The following PKIG variants were observed in gnomAD, a reference collection of about 807,000 sequenced individuals.
The protein encoded by PKIG is protein kinase (cAMP-dependent, catalytic) inhibitor gamma.
PKIG carries 1 observed loss-of-function variant against 6.8 expected under a neutral mutation model. That is an observed-to-expected ratio of 0.15 (90% CI 0.05 to 0.69). The LOEUF (loss-of-function observed/expected upper bound fraction) is 0.69. Among genes scored for constraint, PKIG ranks in the 30% least tolerant of loss-of-function variants. The pLI is 0.82. For synonymous variants in PKIG, 39 were observed against 43.0 expected (o/e 0.91, Z 0.36); for missense variants, 77 against 104.0 (o/e 0.74, Z 1.13).
chr20:44,596,816 A>C (rs374572972), intron 2 of PKIG, among the ~76,000 whole-genome samples: 41 of 152,180 alleles, frequency 2.7e-4, no homozygotes, highest in Non-Finnish European at 5.1e-4. Flanking sequence ...GAAGCCTCTG[A>C]ATATTGTCTT....
chr20:44,565,879 C>G (rs943538167), intron 1 of PKIG, among the ~76,000 whole-genome samples: 3 of 152,230 alleles, frequency 2.0e-5, no homozygotes, highest in African/African-American at 7.2e-5. Context: ...TCTCCCTCCT[C>G]AGCCTCTCGC....
chr20:44,610,549 A>C (rs1200680443), intron 2 of PKIG, among the ~76,000 whole-genome samples: 2 of 139,998 alleles, frequency 1.4e-5, no homozygotes, highest in Non-Finnish European at 3.1e-5. Flanking sequence ...TTACTGGCTC[A>C]ACCCCACCCT....
At chr20:44,585,609 T>C (rs1214132533) in intron 1 of PKIG, among the ~76,000 whole-genome samples, 2 of 152,264 alleles carry the variant, frequency 1.3e-5, no homozygotes, top group African/African-American at 4.8e-5. Context: ...CCTTGAATAT[T>C]TCACCATACT....
intron 2 of PKIG, among the ~76,000 whole-genome samples, chr20:44,592,869 A>G (rs934602283): frequency 6.6e-6 from 1 of 152,246 alleles, no homozygotes; most frequent in Non-Finnish European, 1.5e-5. Context: ...CAAAATGTCC[A>G]TACTACCCAA....
At chr20:44,586,893 G>A (rs530701038) in intron 1 of PKIG, among the ~76,000 whole-genome samples, 1 of 152,334 alleles carries the variant, frequency 6.6e-6, no homozygotes, top group Non-Finnish European at 1.5e-5. Flanking sequence ...CTTACTGGAG[G>A]AAGCTGCATT....
At chr20:44,565,382 A>G (rs758329084) in intron 1 of PKIG, among the ~76,000 whole-genome samples, 12 of 152,242 alleles carry the variant, frequency 7.9e-5, no homozygotes, top group Non-Finnish European at 1.6e-4. Flanking sequence ...GCAAACAACA[A>G]AATTCACTGT....
rs565901645 is a variant in PKIG, at chr20:44,600,118, A to T, written c.-24+10252A>T. ...GGGTTACAGAGAATGTTGTACACAG[A>T]GGAAATAGTCTAGTAAAGGCTTTGA... On this transcript the variant is annotated intron_variant, in intron 2 of 3. Coordinates refer to ENST00000372886, the MANE Select transcript of PKIG (RefSeq NM_001281445.2). 3.9e-5 allele frequency among the ~76,000 whole-genome samples: 6 copies of T among 152,234 alleles called. No individual in the cohort carries two copies. The South Asian group carries it at 1.0e-3, about 26-fold the overall frequency.
intron 1 of PKIG, among the ~76,000 whole-genome samples, chr20:44,574,218 TC>T (rs1269240749): frequency 3.3e-5 from 5 of 152,196 alleles, no homozygotes; most frequent in African/African-American, 1.2e-4. Flanking sequence ...AACCATCTGT[TC>T]CCTGCCCCCA....
At chr20:44,565,887 C>T (rs1471949949) in intron 1 of PKIG, among the ~76,000 whole-genome samples, 3 of 152,172 alleles carry the variant, frequency 2.0e-5, no homozygotes, top group Admixed American at 6.5e-5. Context: ...CTCAGCCTCT[C>T]GCGTAGCTGG....
intron 3 of PKIG, among the ~76,000 whole-genome samples, chr20:44,617,325 A>C (rs1169140454): frequency 6.6e-6 from 1 of 152,108 alleles, no homozygotes; most frequent in South Asian, 2.1e-4. Flanking sequence ...TTAAGAATGT[A>C]CCACCTATTG....
At chr20:44,571,330 A>G (rs1351627803) in intron 1 of PKIG, among the ~76,000 whole-genome samples, 1 of 152,068 alleles carries the variant, frequency 6.6e-6, no homozygotes, top group Non-Finnish European at 1.5e-5. Flanking sequence ...CCATTACCAG[A>G]ACTTTTTTCC....
At chr20:44,613,319 C>G (rs894636480) in intron 2 of PKIG, among the ~76,000 whole-genome samples, 1 of 152,118 alleles carries the variant, frequency 6.6e-6, no homozygotes, top group African/African-American at 2.4e-5. Context: ...GCGCCCGCCA[C>G]CACGCCCGGC....
intron 1 of PKIG, among the ~76,000 whole-genome samples, chr20:44,533,887 A>C (rs1437735425): frequency 6.6e-6 from 1 of 152,246 alleles, no homozygotes; most frequent in African/African-American, 2.4e-5. Context: ...CAAGTTAAAA[A>C]TTAAAATGTG....
chr20:44,555,829 ATTTAT>A (rs551594871), intron 1 of PKIG, among the ~76,000 whole-genome samples: 2 of 151,932 alleles, frequency 1.3e-5, no homozygotes, highest in African/African-American at 2.4e-5. Context: ...GACCTACTTT[ATTTAT>A]TTTATTTTAT....
At chr20:44,565,492 A>G (rs1274435163) in intron 1 of PKIG, among the ~76,000 whole-genome samples, 2 of 152,318 alleles carry the variant, frequency 1.3e-5, no homozygotes, top group South Asian at 2.1e-4. Context: ...GAAATGGTCA[A>G]CCCCACTAAG....
chr20:44,618,364 A>G lies in PKIG; in HGVS notation c.231A>G (p.Ter77TrpextTer2). 6.2e-7 allele frequency: 1 copy of G among 1,605,226 alleles called. No individual in the cohort carries two copies. The highest frequency in any genetic ancestry group is 8.5e-7 in the Non-Finnish European group (1 of 1,171,898). Residue 77 changes from the stop codon to tryptophan, a stop_lost, in exon 4 of 4, where the codon TGA becomes TGG. Transcript: ENST00000372886. Reference protein sequence around the residue: ...PQSSDGTTSS* With the variant: ...PQSSDGTTSSW The stretch of plus-strand genomic sequence containing the variant: ...GCAGCGATGGGACCACCTCGTCTTG[A>G]ATCTGACCTTGTCCAAGAAGGCTGG...
chr20:44,568,076 G>T (rs2064824702), intron 1 of PKIG, among the ~76,000 whole-genome samples: 1 of 152,116 alleles, frequency 6.6e-6, no homozygotes, highest in Non-Finnish European at 1.5e-5. Flanking sequence ...AGTCTGGGAG[G>T]TCGAGGCTGC....
Position 44,537,704 on chromosome 20 carries a change from A to G in PKIG, c.-241+5726A>G, listed in dbSNP as rs983859039. On this transcript the variant is annotated intron_variant, in intron 1 of 4. Transcript: ENST00000372887. ...GTGATTCTCCTGCCTCAGCGTCCCA[A>G]GTAGCTGGGATTACAGGCACACACC... Among the ~76,000 whole-genome samples the G allele has an allele frequency of 2.3e-4, 35 of 150,056 alleles. 1 individual carries two copies. Among genetic ancestry groups the G allele is most frequent in the African/African-American group, 7.9e-4 (32 of 40,758 alleles).
At chr20:44,543,125 T>G (rs2064577514) in intron 1 of PKIG, among the ~76,000 whole-genome samples, 1 of 152,170 alleles carries the variant, frequency 6.6e-6, no homozygotes, top group Admixed American at 6.5e-5. Flanking sequence ...CTGCACAATA[T>G]ACTTAACCTT....
Sources: gnomAD v4.1 joint callset for allele counts (sites outside exome capture counted in the v4.1 genomes callset) on GRCh38, gnomAD v4.1.1 for gene constraint, MANE v1.5 for transcripts, NCBI Gene and HGNC (gene_info 2026-07-23, HGNC 2026-07-21) for gene names.